Variants in PDE1A observed in about 807,000 individuals in gnomAD.
PDE1A encodes the protein dual specificity calcium/calmodulin-dependent 3',5'-cyclic nucleotide phosphodiesterase 1A.
PDE1A carries 35 observed loss-of-function variants against 61.7 expected under a neutral mutation model. The ratio of observed to expected loss-of-function variants is 0.57; its 90% CI spans 0.43 to 0.75. PDE1A has a LOEUF of 0.75. PDE1A is among the 30% of genes least tolerant of loss of function. The pLI is 0.00. For synonymous variants in PDE1A, 232 were observed against 213.2 expected, an observed-to-expected ratio of 1.09 and a Z score of -0.77; for missense variants, 597 against 630.6, an observed-to-expected ratio of 0.95 and a Z score of 0.57.
the PDE1A span, among the ~76,000 whole-genome samples, chr2:182,623,604 C>T: frequency 4.6e-5 from 7 of 152,100 alleles, no homozygotes; most frequent in Admixed American, 3.3e-4. Flanking sequence ...AAGACATCTT[C>T]CGAAGACATG....
chr2:182,626,826 C>CATATATATATACAT, the PDE1A span, among the ~76,000 whole-genome samples: 2 of 10,974 alleles, frequency 1.8e-4, no homozygotes, highest in Admixed American at 1.8e-3. Flanking sequence ...TATATATATA[C>CATATATATATACAT]ATATATATAT....
intron 2 of PDE1A, among the ~76,000 whole-genome samples, chr2:182,506,238 C>G (rs1574821951): frequency 1.3e-5 from 2 of 152,092 alleles, no homozygotes; most frequent in South Asian, 4.1e-4. Context: ...TGATCGAATT[C>G]TTTTTTTCTC....
At chr2:182,659,099 A>C in the PDE1A span, among the ~76,000 whole-genome samples, 1 of 152,166 alleles carries the variant, frequency 6.6e-6, no homozygotes, top group Non-Finnish European at 1.5e-5. Context: ...ATATCGACCC[A>C]CTTATACCAT....
Position 182,451,929 on chromosome 2 carries a change from T to A in PDE1A, c.101+70347A>T, listed in dbSNP as rs1033126962. The stretch of plus-strand genomic sequence containing the variant: ...TTCAGTGCCAAACATGAGCTAGAAC[T>A]TCTGCTGGGCACTGGTTCCATAGCA... On this transcript the variant is annotated intron_variant, in intron 2 of 14. Coordinates refer to the PDE1A transcript ENST00000410103. Among the ~76,000 whole-genome samples the A allele has an allele frequency of 7.9e-5, 12 of 152,150 alleles. 1 individual carries two copies. Among genetic ancestry groups the A allele is most frequent in the African/African-American group, 2.2e-4 (9 of 41,444 alleles).
intron 10 of PDE1A, among the ~76,000 whole-genome samples, chr2:182,189,635 T>C (rs1242690410): frequency 6.6e-6 from 1 of 152,216 alleles, no homozygotes; most frequent in Non-Finnish European, 1.5e-5. Context: ...CAGAGAAAAT[T>C]GAAATATCAA....
chr2:182,275,128 G>T (rs538150726), intron 1 of PDE1A, among the ~76,000 whole-genome samples: 2 of 152,072 alleles, frequency 1.3e-5, no homozygotes, highest in South Asian at 4.1e-4. Context: ...GCAACTGCAG[G>T]AAGCTTTTGG....
the PDE1A span, among the ~76,000 whole-genome samples, chr2:182,652,070 A>G: frequency 6.6e-6 from 1 of 152,232 alleles, no homozygotes; most frequent in African/African-American, 2.4e-5. Flanking sequence ...ATAGATCATA[A>G]ATAGCAATGC....
chr2:182,154,890 T>G (rs916788506), intron 13 of PDE1A, among the ~76,000 whole-genome samples: 8 of 152,152 alleles, frequency 5.3e-5, no homozygotes, highest in African/African-American at 1.9e-4. Context: ...ATGTGGAATT[T>G]TATAACATAA....
At chr2:182,465,646 A>G (rs1318321299) in intron 2 of PDE1A, among the ~76,000 whole-genome samples, 1 of 152,104 alleles carries the variant, frequency 6.6e-6, no homozygotes, top group Non-Finnish European at 1.5e-5. Flanking sequence ...TGTTTGATGC[A>G]GTTTAAAGCA....
chr2:182,627,599 T>C, the PDE1A span, among the ~76,000 whole-genome samples: 1 of 151,262 alleles, frequency 6.6e-6, no homozygotes, highest in Non-Finnish European at 1.5e-5. Context: ...GTCTATTTGC[T>C]GTGCTTACCT....
At chr2:182,694,232 C>T in the PDE1A span, among the ~76,000 whole-genome samples, 13 of 152,206 alleles carry the variant, frequency 8.5e-5, no homozygotes, top group African/African-American at 2.9e-4. Flanking sequence ...GTTGAAAACA[C>T]TTCTTTCCCA....
At chr2:182,398,111 A>G (rs1317474866) in intron 1 of PDE1A, among the ~76,000 whole-genome samples, 1 of 151,986 alleles carries the variant, frequency 6.6e-6, no homozygotes, top group Non-Finnish European at 1.5e-5. Flanking sequence ...ACAAAAAGAG[A>G]GAAAATGTAA....
chr2:182,649,607 CAAAAAAAA>C, the PDE1A span, among the ~76,000 whole-genome samples: 72 of 113,100 alleles, frequency 6.4e-4, no homozygotes, highest in South Asian at 0.019. Flanking sequence ...CCACTCTATA[CAAAAAAAA>C]AAAAAAAAAA....
At chr2:182,614,885 G>A in the PDE1A span, among the ~76,000 whole-genome samples, 7 of 152,122 alleles carry the variant, frequency 4.6e-5, no homozygotes, top group African/African-American at 1.7e-4. Context: ...CTGAGGAGAT[G>A]CTCACAATTC....
At chr2:182,603,331 AGTTTTTT>A in the PDE1A span, among the ~76,000 whole-genome samples, 1 of 152,068 alleles carries the variant, frequency 6.6e-6, no homozygotes, top group Non-Finnish European at 1.5e-5. Context: ...GGTGAGTTGA[AGTTTTTT>A]GTTTTTTGTT....
chr2:182,413,613 T>G (rs1702745899), intron 1 of PDE1A, among the ~76,000 whole-genome samples: 1 of 152,350 alleles, frequency 6.6e-6, no homozygotes, highest in South Asian at 2.1e-4. Context: ...TAGGCTAACC[T>G]GTTCCTCTAA....
At chr2:182,569,577 C>A in the PDE1A span, among the ~76,000 whole-genome samples, 122 of 152,228 alleles carry the variant, frequency 8.0e-4, no homozygotes, top group African/African-American at 2.9e-3. Context: ...CAAAGTCCCA[C>A]AGAATGACAC....
intron 8 of PDE1A, 66 bp downstream of exon 8, chr2:182,205,874 C>G: frequency 7.0e-7 from 1 of 1,430,010 alleles, no homozygotes; most frequent in Non-Finnish European, 9.6e-7. Flanking sequence ...TTTTTCTTGA[C>G]TTTAAATCGC....
At chr2:182,595,099 T>C in the PDE1A span, among the ~76,000 whole-genome samples, 1 of 152,178 alleles carries the variant, frequency 6.6e-6, no homozygotes, top group Admixed American at 6.6e-5. Context: ...ATAAAGACAA[T>C]TGAACTAAGA....
Sources: allele counts gnomAD v4.1 joint callset (sites outside exome capture counted in the v4.1 genomes callset), GRCh38; gene constraint gnomAD v4.1.1; transcripts MANE v1.5; gene names NCBI Gene and HGNC (gene_info 2026-07-23, HGNC 2026-07-21).